Variants in MYH1 observed in about 807,000 individuals in gnomAD.
MYH1 encodes myosin heavy chain 1.
Under a neutral mutation model 225.6 loss-of-function variants are expected in MYH1, and 214 were observed. The observed-to-expected ratio is 0.95, with a 90% CI of 0.85 to 1.06. The LOEUF (loss-of-function observed/expected upper bound fraction) is 1.06. Ranked by LOEUF, MYH1 falls within the 50% of genes least tolerant of loss-of-function variation. The probability of loss-of-function intolerance (pLI) is 0.00; values close to 1 mark genes in which losing one functional copy is unlikely to be tolerated. For synonymous variants in MYH1, 774 were observed against 842.3 expected, an observed-to-expected ratio of 0.92 and a Z score of 1.40; for missense variants, 2,098 against 2,344.2, an observed-to-expected ratio of 0.89 and a Z score of 2.17.
Position 10,494,609 on chromosome 17 carries a change from A to AGACCCTT in MYH1, c.5524_5530dup (p.Leu1844GlnfsTer7). The AGACCCTT allele has an allele frequency of 6.2e-7, 1 of 1,614,092 alleles. No homozygotes were observed. Among genetic ancestry groups the AGACCCTT allele is most frequent in the Non-Finnish European group, 8.5e-7 (1 of 1,180,012 alleles). ...CTTCACTTTTCTCTCATGTTTGCGT[A>AGACCCTT]GACCCTTGACAGCTTCAACATTGCG... On this transcript the variant is annotated frameshift_variant, in exon 38 of 40. Transcript: ENST00000226207. LOFTEE classifies it high-confidence loss of function.
At chr17:10,505,718 A>G in intron 19 of MYH1, 94 bp downstream of exon 19, 1 of 1,523,272 alleles carries the variant, frequency 6.6e-7, no homozygotes, top group Non-Finnish European at 8.9e-7. Context: ...TCTTCTCTTC[A>G]ATTTTAAGAG....
chr17:10,509,806 G>A (rs1473150270), intron 14 of MYH1, 151 bp from the exon 15 acceptor site: 1 of 1,366,918 alleles, frequency 7.3e-7, no homozygotes, highest in Non-Finnish European at 1.0e-6. Context: ...GCTGCTGTTA[G>A]CATACTTGTT....
At position 10,501,840 on chromosome 17, in the gene MYH1, T is replaced by C; in HGVS notation, c.3183A>G (p.Gly1061=). 6.2e-7 allele frequency: 1 copy of C among 1,613,512 alleles called. No individual in the cohort carries two copies. The change falls in exon 25 of 40, where the codon GGA becomes GGG. Residue 1061 remains glycine (G), a synonymous_variant. Coordinates refer to ENST00000226207, the MANE Select transcript of MYH1 (RefSeq NM_005963.4). ...DLERAKRKLE[G]DLKLAQESTM... ...TGGATTCTTGAGCCAATTTTAGGTC[T>C]CCCTCTAGTTTTCTCTTTGCTCTTT...
intron 14 of MYH1, among the ~76,000 whole-genome samples, chr17:10,510,860 C>T (rs1460251494): frequency 6.6e-6 from 1 of 151,460 alleles, no homozygotes; most frequent in Non-Finnish European, 1.5e-5. Flanking sequence ...TAGCATGTAC[C>T]TGTGAATATA....
rs777939497 is a variant in MYH1, at chr17:10,516,102, G to A, written c.349-20C>T. ...GTAGGTCTGCACCCAAAACAAAAGG[G>A]AGGAACAGAATTATTTGATGGGGAC... On this transcript the variant is annotated intron_variant, in intron 4 of 39. Transcript: ENST00000226207. 3 of 1,613,606 alleles carry A rather than the reference G, an allele frequency of 1.9e-6. No homozygotes were observed. The East Asian group carries it at 6.7e-5, about 36-fold the overall frequency.
In MYH1 at chr17:10,508,544, G is replaced by A. The variant is rs546280032; in HGVS notation, c.1716C>T (p.Ala572=). 1.2e-6 allele frequency: 2 copies of A among 1,614,112 alleles called. No homozygotes were observed. The highest frequency in any genetic ancestry group is 1.7e-5 in the Admixed American group (1 of 60,020). Residue 572 remains alanine (A), a synonymous_variant, in exon 16 of 40, where the codon GCC becomes GCT. Coordinates refer to ENST00000226207, the MANE Select transcript of MYH1 (RefSeq NM_005963.4). ...AGAAGTGGGCCTCAGGCTTGCCTTT[G>A]GCAGGCTTGGGCTTCTGGAAGTTAT... The part of the protein sequence containing the change: ...KSNNFQKPKP[A]KGKPEAHFSL...
intron 39 of MYH1, among the ~76,000 whole-genome samples, chr17:10,494,108 C>T (rs1011445871): frequency 2.0e-5 from 3 of 152,188 alleles, no homozygotes; most frequent in Non-Finnish European, 2.9e-5. Context: ...TGCTTTCCTC[C>T]TTTTTTTGTC....
At position 10,501,825 on chromosome 17, in the gene MYH1, A is replaced by G; in HGVS notation, c.3198T>C (p.Ala1066=). Residue 1066 remains alanine, a synonymous_variant, in exon 25 of 40, where the codon GCT becomes GCC. Coordinates refer to ENST00000226207, the MANE Select transcript of MYH1 (RefSeq NM_005963.4). ...KRKLEGDLKL[A]QESTMDIEND... ...TTTCTATATCCATTGTGGATTCTTG[A>G]GCCAATTTTAGGTCTCCCTCTAGTT... 6.2e-7 allele frequency: 1 copy of G among 1,613,630 alleles called. No individual in the cohort carries two copies.
At chr17:10,499,815 AG>A in intron 28 of MYH1, among the ~76,000 whole-genome samples, 1 of 152,256 alleles carries the variant, frequency 6.6e-6, no homozygotes, top group Non-Finnish European at 1.5e-5. Flanking sequence ...TAGAAAGAAT[AG>A]TATTTGAATA....
intron 17 of MYH1, 109 bp downstream of exon 17, chr17:10,507,777 G>A (rs1039706855): frequency 4.5e-5 from 41 of 903,778 alleles, no homozygotes; most frequent in Middle Eastern, 4.5e-4. Context: ...GAACTATCTC[G>A]TTGAGTCACA....
rs370123454 is a variant in MYH1 at position 10,503,209 on chromosome 17, G to A, written c.2731C>T (p.Gln911Ter). 14 of 1,614,030 alleles carry A rather than the reference G, an allele frequency of 8.7e-6. No individual in the cohort carries two copies. Among genetic ancestry groups the A allele is most frequent in the Non-Finnish European group, 1.1e-5 (13 of 1,180,022 alleles). ...AGCTGGATTTTGGTTTTGATTAGCT[G>A]GTCACACCTTTCCTCTGCATCAGCC... is the stretch of plus-strand genomic sequence containing the variant. ...SLADAEERCD[Q>*]LIKTKIQLEA... Residue 911 changes from glutamine (Q) to a stop codon, truncating the protein, a stop_gained, in exon 23 of 40, where the codon CAG becomes TAG. Transcript: ENST00000226207. LOFTEE classifies it high-confidence loss of function.
rs891209898 is a variant in MYH1, at chr17:10,513,613, T to A, written c.805+13A>T. The stretch of plus-strand genomic sequence containing the variant: ...TCATTCTTGGATTCTATTTAGGAGG[T>A]CCTGTTACTCACATGTTTCAATATC... On this transcript the variant is annotated intron_variant, in intron 9 of 39. Transcript: ENST00000226207. 10 of 1,612,048 alleles carry A rather than the reference T, an allele frequency of 6.2e-6. No individual in the cohort carries two copies. Among genetic ancestry groups the A allele is most frequent in the African/African-American group, 4.0e-5 (3 of 74,836 alleles).
At chr17:10,508,004 G>GT in intron 16 of MYH1, 48 bp from the exon 17 acceptor site, 4 of 1,423,738 alleles carry the variant, frequency 2.8e-6, no homozygotes, top group Non-Finnish European at 1.9e-6. Flanking sequence ...CTCTGGTTAT[G>GT]GTTTTTTTTT....
intron 31 of MYH1, 68 bp from the exon 32 acceptor site, chr17:10,497,520 A>G (rs2142257369): frequency 1.3e-6 from 2 of 1,543,600 alleles, no homozygotes; most frequent in Non-Finnish European, 1.7e-6. Context: ...CATCTATTCT[A>G]GCACCTCTCA....
At position 10,497,362 on chromosome 17, in the gene MYH1, A is replaced by G. The variant is rs1441120854; in HGVS notation, c.4456T>C (p.Phe1486Leu). The change falls in exon 32 of 40, where the codon TTT becomes CTT. Residue 1486 changes from phenylalanine to leucine, a missense_variant. By Grantham distance (22) the Phe-to-Leu change is conservative. Transcript: ENST00000226207. ...TCCTCATAAGCATTCTTAATCTTAA[A>G]TAGTTCTGTGCTGAGTGAGCGGGAT... ...KESRSLSTEL[F>L]KIKNAYEESL... 1.9e-6 allele frequency: 3 copies of G among 1,613,782 alleles called. No homozygotes were observed. The East Asian group carries it at 6.7e-5, about 36-fold the overall frequency.
At position 10,495,408 on chromosome 17, in the gene MYH1, A is replaced by C. The variant is rs1212657548; in HGVS notation, c.5170-91T>G. 1.0e-5 allele frequency: 15 copies of C among 1,443,322 alleles called. No individual in the cohort carries two copies. The East Asian group carries it at 3.4e-4, about 33-fold the overall frequency. 89.4% of individuals were successfully genotyped at this position (1,443,322 alleles called of 1,614,324 possible). On this transcript the variant is annotated intron_variant, in intron 35 of 39. Transcript: ENST00000226207. ...TAATGAACCATAAACTAATTAACTA[A>C]ATGAATTCATTAATATTCCTCCTTG...
rs111241148 is a variant in MYH1, at chr17:10,514,864, A to T, written c.533+4T>A. ...CCAATAAATCTCAGAATAGGAATAC[A>T]TACGTGATCAAGATAGACTGATTCT... On this transcript the variant is annotated splice_donor_region_variant and intron_variant, in intron 6 of 39. Transcript: ENST00000226207. The T allele has an allele frequency of 4.3e-6, 7 of 1,611,352 alleles. No homozygotes were observed. In the African/African-American group the frequency reaches 5.3e-5, roughly 12 times the overall value.
chr17:10,501,632 G>A lies in MYH1; in HGVS notation c.3310C>T (p.Leu1104Phe). The change falls in exon 26 of 40, where the codon CTT becomes TTT. Residue 1104 changes from leucine (L) to phenylalanine (F), a missense_variant. By Grantham distance (22) the Leu-to-Phe change is conservative. Coordinates refer to ENST00000226207, the MANE Select transcript of MYH1 (RefSeq NM_005963.4). ...ATTTTCTTCTGCAGCTGCATACCAA[G>A]GGCTTGTTCATCTTCAATCTTGCTT... The part of the protein sequence containing the change: ...LQSKIEDEQA[L>F]GMQLQKKIKE... The A allele has an allele frequency of 1.2e-6, 2 of 1,614,158 alleles. No individual in the cohort carries two copies. The highest frequency in any genetic ancestry group is 2.2e-5 in the East Asian group (1 of 44,876).
intron 35 of MYH1, among the ~76,000 whole-genome samples, chr17:10,495,579 G>T (rs974619245): frequency 6.6e-6 from 1 of 151,582 alleles, no homozygotes; most frequent in Non-Finnish European, 1.5e-5. Flanking sequence ...GGCTAACACG[G>T]TGAAACCCCG....
Sources: allele counts gnomAD v4.1 joint callset (sites outside exome capture counted in the v4.1 genomes callset), GRCh38; gene constraint gnomAD v4.1.1; transcripts MANE v1.5; gene names NCBI Gene and HGNC (gene_info 2026-07-23, HGNC 2026-07-21).